Variants in STK33 observed in about 807,000 individuals in gnomAD.
STK33 encodes serine/threonine-protein kinase 33.
In STK33, 52 loss-of-function variants were observed where a neutral mutation model predicts 58.0. The observed-to-expected ratio is 0.90, with a 90% CI of 0.72 to 1.13. The LOEUF (loss-of-function observed/expected upper bound fraction) is 1.13, where lower values mean the gene tolerates loss of function less well. Ranked by LOEUF, STK33 falls within the 50% of genes most tolerant of loss-of-function variation. The pLI is 0.00. For missense variants in STK33, 630 were observed against 604.2 expected (o/e 1.04, Z -0.45); for synonymous variants, 215 against 200.1 (o/e 1.07, Z -0.63).
chr11:8,356,344 G>A, the STK33 span, among the ~76,000 whole-genome samples: 3,166 of 152,262 alleles, frequency 0.021, 58 homozygotes, highest in South Asian at 0.065. Context: ...GGCCTTAGGG[G>A]AAGGGGCTGT....
chr11:8,463,667 C>G (rs1947838351), intron 7 of STK33, among the ~76,000 whole-genome samples: 1 of 152,178 alleles, frequency 6.6e-6, no homozygotes, highest in Non-Finnish European at 1.5e-5. Context: ...CTGAATATAA[C>G]ACAATATTAC....
At chr11:8,589,143 G>A (rs2032193424) in intron 1 of STK33, among the ~76,000 whole-genome samples, 1 of 152,004 alleles carries the variant, frequency 6.6e-6, no homozygotes, top group South Asian at 2.1e-4. Flanking sequence ...GTTACCATAC[G>A]ATCAGCAATT....
chr11:8,388,914 G>C (rs575936159), downstream of STK33, among the ~76,000 whole-genome samples: 2 of 152,150 alleles, frequency 1.3e-5, no homozygotes, highest in African/African-American at 4.8e-5. Context: ...TGACCACCCA[G>C]GTGAATCTCT....
chr11:8,376,151 T>C, the STK33 span, among the ~76,000 whole-genome samples: 1 of 152,114 alleles, frequency 6.6e-6, no homozygotes, highest in Non-Finnish European at 1.5e-5. Flanking sequence ...AGCCCAAGCA[T>C]CACTGAGCGA....
chr11:8,580,042 T>C (rs1458973593), intron 1 of STK33, among the ~76,000 whole-genome samples: 1 of 152,126 alleles, frequency 6.6e-6, no homozygotes, highest in African/African-American at 2.4e-5. Flanking sequence ...ACAACCACTA[T>C]GGAGAACAGT....
chr11:8,482,173 GA>G (rs1435589792), intron 1 of STK33, among the ~76,000 whole-genome samples: 1 of 152,154 alleles, frequency 6.6e-6, no homozygotes, highest in Non-Finnish European at 1.5e-5. Context: ...CTCGTAGCCA[GA>G]ACAAAAGCAT....
intron 1 of STK33, among the ~76,000 whole-genome samples, chr11:8,486,020 C>T (rs1014209571): frequency 2.0e-5 from 3 of 152,144 alleles, no homozygotes; most frequent in African/African-American, 7.2e-5. Flanking sequence ...TTTCTCTATT[C>T]CAAATATCAC....
chr11:8,343,864 C>T, the STK33 span, among the ~76,000 whole-genome samples: 2 of 152,176 alleles, frequency 1.3e-5, no homozygotes, highest in Non-Finnish European at 2.9e-5. Flanking sequence ...CGCTGCCAGC[C>T]TCCCTAGTCT....
chr11:8,479,142 C>T (rs561869558), intron 2 of STK33, among the ~76,000 whole-genome samples: 30 of 152,164 alleles, frequency 2.0e-4, no homozygotes, highest in African/African-American at 7.0e-4. Flanking sequence ...AGGCCGGGTG[C>T]GGTGGCTCAC....
intron 1 of STK33, among the ~76,000 whole-genome samples, chr11:8,550,228 T>C (rs942386177): frequency 6.6e-6 from 1 of 152,234 alleles, no homozygotes; most frequent in African/African-American, 2.4e-5. Flanking sequence ...TAATACACAA[T>C]AAGGTCCCGG....
rs561252879 is a variant in STK33, at chr11:8,460,748, G to T, written c.558+1057C>A. ...CATTATAATCAAATGGCTTAAAGCT[G>T]ATGATAACGAACAAAACTATTCTAA... On this transcript the variant is annotated intron_variant, in intron 8 of 15. Coordinates refer to ENST00000687296, the MANE Select transcript of STK33 (RefSeq NM_001352389.2). Among the ~76,000 whole-genome samples the T allele has an allele frequency of 2.0e-5, 3 of 152,242 alleles. No individual in the cohort carries two copies. In the South Asian group the frequency reaches 6.2e-4, roughly 32 times the overall value.
Position 8,397,979 on chromosome 11 carries a change from G to A in STK33, c.1345-5269C>T, listed in dbSNP as rs563520068. Among the ~76,000 whole-genome samples the A allele has an allele frequency of 5.9e-5, 9 of 152,342 alleles. No individual in the cohort carries two copies. The South Asian group carries it at 1.7e-3, about 28-fold the overall frequency. ...GACCATGTGAAAAGACCAAGTCTACGTCTGATTGGTGCACCTGAAAGTGAT... is the reference window on the plus strand; with the variant it reads ...GACCATGTGAAAAGACCAAGTCTACATCTGATTGGTGCACCTGAAAGTGAT... On this transcript the variant is annotated intron_variant, in intron 15 of 15. Transcript: ENST00000687296.
chr11:8,408,546 T>C (rs549524612), intron 15 of STK33, among the ~76,000 whole-genome samples: 16 of 152,340 alleles, frequency 1.1e-4, no homozygotes, highest in African/African-American at 3.8e-4. Context: ...GCAACTCGCA[T>C]TGCAAGCAGC....
chr11:8,574,884 GAA>G (rs1194449894), intron 1 of STK33, among the ~76,000 whole-genome samples: 1 of 142,766 alleles, frequency 7.0e-6, no homozygotes, highest in Non-Finnish European at 1.5e-5. Flanking sequence ...ACAAAAAAAG[GAA>G]AAAAAAAAAA....
At chr11:8,344,044 C>T in the STK33 span, among the ~76,000 whole-genome samples, 1 of 152,100 alleles carries the variant, frequency 6.6e-6, no homozygotes, top group Non-Finnish European at 1.5e-5. Flanking sequence ...TGTCGAGCTC[C>T]CAGGAAATAA....
intron 1 of STK33, among the ~76,000 whole-genome samples, chr11:8,558,217 A>G (rs1000852435): frequency 6.6e-6 from 1 of 152,228 alleles, no homozygotes; most frequent in Non-Finnish European, 1.5e-5. Context: ...GATGCACTAC[A>G]TAAACTTAAA....
chr11:8,384,306 G>A, the STK33 span, among the ~76,000 whole-genome samples: 7 of 152,170 alleles, frequency 4.6e-5, no homozygotes, highest in South Asian at 2.1e-4. Flanking sequence ...CCTCTGTCAC[G>A]TCCGGATAAG....
chr11:8,446,536 C>G (rs1475202412), intron 11 of STK33, among the ~76,000 whole-genome samples: 1 of 152,100 alleles, frequency 6.6e-6, no homozygotes, highest in Admixed American at 6.6e-5. Flanking sequence ...AAGAACAAAG[C>G]TGGAGGCATC....
the STK33 span, among the ~76,000 whole-genome samples, chr11:8,375,624 C>A: frequency 1.3e-5 from 2 of 152,170 alleles, no homozygotes; most frequent in South Asian, 4.1e-4. Flanking sequence ...TTTGCAAATT[C>A]TTTCCCTAGA....
Sources: allele counts gnomAD v4.1 joint callset (sites outside exome capture counted in the v4.1 genomes callset), GRCh38; gene constraint gnomAD v4.1.1; transcripts MANE v1.5; gene names NCBI Gene and HGNC (gene_info 2026-07-23, HGNC 2026-07-21).